The following NAA15 variants were observed in gnomAD, a reference collection of about 807,000 sequenced individuals.
The protein encoded by NAA15 is N-terminal acetyltransferase.
In NAA15, 34 loss-of-function variants were observed where a neutral mutation model predicts 114.0. The observed-to-expected ratio is 0.30, with a 90% CI of 0.23 to 0.40. NAA15 has a LOEUF of 0.40. NAA15 is among the 10% of genes least tolerant of loss of function. The probability of loss-of-function intolerance (pLI) is 1.00; values close to 1 mark genes in which losing one functional copy is unlikely to be tolerated. For synonymous variants in NAA15, 340 were observed against 338.0 expected (o/e 1.01, Z -0.06); for missense variants, 658 against 1,004.5 (o/e 0.66, Z 4.66).
At position 139,301,555 on chromosome 4, in the gene NAA15, C is replaced by T. The variant is rs918636108; in HGVS notation, c.-223C>T. 1.0e-5 allele frequency: 6 copies of T among 584,002 alleles called. No individual in the cohort carries two copies. The highest frequency in any genetic ancestry group is 1.9e-5 in the African/African-American group (1 of 52,476). 36.2% of individuals were successfully genotyped at this position (584,002 alleles called of 1,614,324 possible). ...TACCACGTGAACCGCCGACGGAGAC[C>T]CGTAGTGGGGGAGGCGGCGGCAGCG... On this transcript the variant is annotated 5_prime_UTR_variant, in exon 1 of 20. Coordinates refer to ENST00000296543, the MANE Select transcript of NAA15 (RefSeq NM_057175.5).
intron 2 of NAA15, among the ~76,000 whole-genome samples, chr4:139,335,777 T>C (rs1021224054): frequency 3.3e-5 from 5 of 151,866 alleles, no homozygotes; most frequent in Non-Finnish European, 7.4e-5. Flanking sequence ...TTTTTTTTTT[T>C]GAGACGGAGT....
chr4:139,358,431 A>G (rs1281486691), intron 11 of NAA15, among the ~76,000 whole-genome samples: 1 of 152,066 alleles, frequency 6.6e-6, no homozygotes, highest in African/African-American at 2.4e-5. Flanking sequence ...CCTGGCCTAA[A>G]GTGATCCACC....
intron 6 of NAA15, among the ~76,000 whole-genome samples, chr4:139,347,893 G>A (rs535849188): frequency 1.3e-5 from 2 of 151,332 alleles, no homozygotes; most frequent in South Asian, 2.1e-4. Context: ...TTAGCCGGGC[G>A]CGGTGGCGGG....
chr4:139,325,527 T>TA (rs1746767694), intron 1 of NAA15, among the ~76,000 whole-genome samples: 1 of 152,176 alleles, frequency 6.6e-6, no homozygotes, highest in Non-Finnish European at 1.5e-5. Context: ...TTGAAAAACA[T>TA]ACGATAAACA....
chr4:139,376,972 T>C (rs145259702), intron 16 of NAA15, among the ~76,000 whole-genome samples: 1 of 152,318 alleles, frequency 6.6e-6, no homozygotes, highest in Non-Finnish European at 1.5e-5. Context: ...GTTGTCTGAA[T>C]TGCCTGGAGC....
chr4:139,355,346 A>G (rs1747915637), intron 10 of NAA15, among the ~76,000 whole-genome samples: 1 of 150,550 alleles, frequency 6.6e-6, no homozygotes, highest in South Asian at 2.1e-4. Flanking sequence ...AACTCTTTTT[A>G]TCTTTTGGGT....
rs1323748702 is a variant in NAA15, at chr4:139,388,894, A to G, written c.*810A>G. 1 of 152,632 alleles carries G rather than the reference A, an allele frequency of 6.6e-6. No homozygotes were observed. Among genetic ancestry groups the G allele is most frequent in the East Asian group, 1.9e-4 (1 of 5,196 alleles). The allele number at this position is 152,632 out of a possible 1,614,324, so 9.5% of individuals were successfully genotyped here. A position where few individuals can be genotyped will look rare whatever the true frequency, so the allele number is the denominator to read the frequency against. ...AATGCACTGTGATGTGGCACCAACTAATTAGCAAGCATGAATTTTTCACCC... is the reference window on the plus strand; with the variant it reads ...AATGCACTGTGATGTGGCACCAACTGATTAGCAAGCATGAATTTTTCACCC... On this transcript the variant is annotated 3_prime_UTR_variant, in exon 20 of 20. Transcript: ENST00000296543.
At chr4:139,321,415 C>T (rs1277717684) in intron 1 of NAA15, among the ~76,000 whole-genome samples, 2 of 151,296 alleles carry the variant, frequency 1.3e-5, no homozygotes, top group Non-Finnish European at 2.9e-5. Flanking sequence ...CCTCCTGCCT[C>T]AGACTCCAGA....
At chr4:139,322,689 A>T (rs929492510) in intron 1 of NAA15, among the ~76,000 whole-genome samples, 3 of 151,956 alleles carry the variant, frequency 2.0e-5, no homozygotes, top group Admixed American at 1.3e-4. Flanking sequence ...GAGTGTGTAT[A>T]TGTGTGTATT....
chr4:139,317,168 A>G (rs1291817075), intron 1 of NAA15, among the ~76,000 whole-genome samples: 1 of 151,834 alleles, frequency 6.6e-6, no homozygotes, highest in Non-Finnish European at 1.5e-5. Context: ...GACAGTTCCC[A>G]TTGAAGCTTC....
chr4:139,309,026 T>C (rs1746124100), intron 1 of NAA15, among the ~76,000 whole-genome samples: 1 of 152,076 alleles, frequency 6.6e-6, no homozygotes, highest in Non-Finnish European at 1.5e-5. Context: ...ATAATTATTA[T>C]AAAAATTACA....
chr4:139,317,040 G>A (rs907740014), intron 1 of NAA15, among the ~76,000 whole-genome samples: 2 of 151,690 alleles, frequency 1.3e-5, no homozygotes, highest in Non-Finnish European at 2.9e-5. Context: ...TGCTCTCACT[G>A]TCATGTATCA....
At chr4:139,378,925 C>G (rs1447156141) in intron 17 of NAA15, 71 bp downstream of exon 17, 14 of 924,350 alleles carry the variant, frequency 1.5e-5, no homozygotes, top group Non-Finnish European at 2.1e-5. Context: ...GTGGTCTGTA[C>G]AAGTTTATCA....
chr4:139,359,348 G>A (rs988068232), intron 11 of NAA15, among the ~76,000 whole-genome samples: 1 of 152,020 alleles, frequency 6.6e-6, no homozygotes, highest in Non-Finnish European at 1.5e-5. Flanking sequence ...AGTTTGACTC[G>A]AATTCCTGAT....
intron 15 of NAA15, among the ~76,000 whole-genome samples, chr4:139,374,528 G>A (rs541276997): frequency 5.9e-5 from 9 of 152,190 alleles, no homozygotes; most frequent in East Asian, 1.9e-4. Context: ...TTTCATACAC[G>A]TAATACAAAG....
At chr4:139,324,363 C>T (rs1171567908) in intron 1 of NAA15, among the ~76,000 whole-genome samples, 1 of 152,182 alleles carries the variant, frequency 6.6e-6, no homozygotes, top group Non-Finnish European at 1.5e-5. Flanking sequence ...CAAATAGATA[C>T]TCTGGCATTT....
intron 4 of NAA15, 79 bp from the exon 5 acceptor site, chr4:139,342,747 C>A: frequency 7.1e-7 from 1 of 1,408,336 alleles, no homozygotes; most frequent in East Asian, 2.3e-5. Flanking sequence ...TGCGCCTGGC[C>A]TAATATGGAG....
At chr4:139,377,837 A>G (rs766779672) in intron 16 of NAA15, among the ~76,000 whole-genome samples, 1 of 152,182 alleles carries the variant, frequency 6.6e-6, no homozygotes, top group Non-Finnish European at 1.5e-5. Flanking sequence ...AGTTAATACA[A>G]CTCCCACTTT....
intron 11 of NAA15, among the ~76,000 whole-genome samples, chr4:139,358,843 G>T (rs956776094): frequency 3.3e-5 from 5 of 152,122 alleles, no homozygotes; most frequent in Non-Finnish European, 5.9e-5. Flanking sequence ...TTGGCCGGGA[G>T]CTGTGGCTCA....
Sources: allele counts gnomAD v4.1 joint callset (sites outside exome capture counted in the v4.1 genomes callset), GRCh38; gene constraint gnomAD v4.1.1; transcripts MANE v1.5; gene names NCBI Gene and HGNC (gene_info 2026-07-23, HGNC 2026-07-21).